The following STPG2 variants were observed in gnomAD, a reference collection of about 807,000 sequenced individuals.
STPG2 encodes sperm tail PG-rich repeat containing 2.
STPG2 carries 56 observed loss-of-function variants against 54.2 expected under a neutral mutation model. The ratio of observed to expected loss-of-function variants is 1.03; its 90% confidence interval spans 0.83 to 1.29. The LOEUF is 1.29. STPG2 is among the 50% of genes most tolerant of loss of function. The probability of loss-of-function intolerance (pLI) is 0.00; values close to 1 mark genes in which losing one functional copy is unlikely to be tolerated. For missense variants in STPG2, 596 were observed against 544.9 expected (o/e 1.09, Z -0.93); for synonymous variants, 200 against 181.8 (o/e 1.10, Z -0.81).
At chr4:97,946,130 C>T (rs1309249883) in intron 7 of STPG2, among the ~76,000 whole-genome samples, 1 of 152,112 alleles carries the variant, frequency 6.6e-6, no homozygotes, top group Non-Finnish European at 1.5e-5. Flanking sequence ...TTTTAATTTG[C>T]ATTTCCCTGA....
chr4:97,671,137 AC>A (rs1722683224), intron 10 of STPG2, among the ~76,000 whole-genome samples: 1 of 152,030 alleles, frequency 6.6e-6, no homozygotes, highest in Non-Finnish European at 1.5e-5. Flanking sequence ...CAATACCCCA[AC>A]CTCTTATTTT....
At chr4:97,572,424 A>T (rs1368574716) in intron 10 of STPG2, among the ~76,000 whole-genome samples, 2 of 152,154 alleles carry the variant, frequency 1.3e-5, no homozygotes, top group African/African-American at 4.8e-5. Context: ...ATCTTGGTTG[A>T]AGATCTTGTA....
At chr4:97,910,636 A>G (rs1731642422) in intron 8 of STPG2, among the ~76,000 whole-genome samples, 2 of 152,234 alleles carry the variant, frequency 1.3e-5, no homozygotes, top group Non-Finnish European at 2.9e-5. Context: ...CTGTAATTTC[A>G]TAACACGATA....
chr4:97,878,620 G>C (rs562730655), intron 8 of STPG2, among the ~76,000 whole-genome samples: 55 of 152,250 alleles, frequency 3.6e-4, no homozygotes, highest in African/African-American at 1.3e-3. Context: ...AAGTCCCTAG[G>C]CACACAGAGC....
chr4:97,804,007 CAGA>C (rs1224645256), intron 9 of STPG2, among the ~76,000 whole-genome samples: 1 of 152,174 alleles, frequency 6.6e-6, no homozygotes, highest in African/African-American at 2.4e-5. Context: ...CTATGCGCCA[CAGA>C]AGGAGAGGTT....
intron 3 of STPG2, among the ~76,000 whole-genome samples, chr4:98,117,767 C>T (rs1396757498): frequency 1.3e-5 from 2 of 151,998 alleles, no homozygotes; most frequent in African/African-American, 4.8e-5. Flanking sequence ...GATTTCTACT[C>T]GGTTTGTTTT....
intron 7 of STPG2, among the ~76,000 whole-genome samples, chr4:97,969,320 T>A (rs1205442792): frequency 6.6e-6 from 1 of 152,216 alleles, no homozygotes; most frequent in East Asian, 1.9e-4. Context: ...TTCTGTATGC[T>A]GTACTTCTGC....
intron 9 of STPG2, among the ~76,000 whole-genome samples, chr4:97,723,039 C>G (rs1724505295): frequency 6.7e-6 from 1 of 148,376 alleles, no homozygotes; most frequent in Non-Finnish European, 1.5e-5. Flanking sequence ...GTCTCCATCT[C>G]CTGACCTCTT....
chr4:97,648,574 G>A (rs1201544536), intron 10 of STPG2, among the ~76,000 whole-genome samples: 1 of 152,006 alleles, frequency 6.6e-6, no homozygotes, highest in East Asian at 1.9e-4. Flanking sequence ...ATGAACATAG[G>A]CTTTGAAGTC....
At chr4:97,941,133 C>A (rs1487346786) in intron 8 of STPG2, among the ~76,000 whole-genome samples, 3 of 152,076 alleles carry the variant, frequency 2.0e-5, no homozygotes, top group Non-Finnish European at 2.9e-5. Context: ...TTCACCATCT[C>A]CTAGCCTTGA....
intron 10 of STPG2, among the ~76,000 whole-genome samples, chr4:97,661,976 G>A (rs556818786): frequency 6.6e-5 from 10 of 152,208 alleles, no homozygotes; most frequent in African/African-American, 2.2e-4. Context: ...TTTGTATAGT[G>A]ATTTTGTATC....
intron 9 of STPG2, among the ~76,000 whole-genome samples, chr4:97,769,301 A>G (rs1200218046): frequency 2.0e-5 from 3 of 152,128 alleles, no homozygotes; most frequent in Admixed American, 6.6e-5. Flanking sequence ...TGGAGTACAT[A>G]TAAGTGTTCC....
intron 3 of STPG2, among the ~76,000 whole-genome samples, chr4:98,116,018 A>C (rs1395346082): frequency 6.6e-6 from 1 of 151,970 alleles, no homozygotes; most frequent in African/African-American, 2.4e-5. Context: ...CCAATAAATA[A>C]ATAATAAGTT....
At chr4:97,452,277 C>A (rs1024105655) in intron 4 of STPG2, among the ~76,000 whole-genome samples, 1 of 152,128 alleles carries the variant, frequency 6.6e-6, no homozygotes, top group Non-Finnish European at 1.5e-5. Flanking sequence ...TCTCCCGGCT[C>A]TCCACACCTT....
chr4:98,026,691 T>G (rs1157533632), intron 5 of STPG2, among the ~76,000 whole-genome samples: 1 of 152,154 alleles, frequency 6.6e-6, no homozygotes, highest in African/African-American at 2.4e-5. Context: ...TGAACTTCTT[T>G]GCCACCCAGT....
chr4:97,903,092 G>T (rs373187540), intron 8 of STPG2, among the ~76,000 whole-genome samples: 19 of 152,224 alleles, frequency 1.2e-4, no homozygotes, highest in African/African-American at 4.1e-4. Context: ...GGTGGTCAAA[G>T]GGTTCAAACT....
chr4:97,780,687 C>T (rs1026855575), intron 9 of STPG2, among the ~76,000 whole-genome samples: 3 of 148,304 alleles, frequency 2.0e-5, no homozygotes, highest in African/African-American at 5.0e-5. Flanking sequence ...GGAAGTAAAG[C>T]ACTTCTCAGC....
At chr4:97,629,653 A>C (rs1721195575) in intron 10 of STPG2, among the ~76,000 whole-genome samples, 1 of 152,052 alleles carries the variant, frequency 6.6e-6, no homozygotes, top group African/African-American at 2.4e-5. Context: ...TGGTTGAATG[A>C]ATGTCTGAAA....
intron 10 of STPG2, among the ~76,000 whole-genome samples, chr4:97,709,862 G>A (rs191130865): frequency 5.3e-5 from 8 of 151,854 alleles, no homozygotes; most frequent in Admixed American, 1.3e-4. Context: ...TGAGAACTAA[G>A]TCAATGAGGA....
Sources: allele counts gnomAD v4.1 joint callset (sites outside exome capture counted in the v4.1 genomes callset), GRCh38; gene constraint gnomAD v4.1.1; transcripts MANE v1.5; gene names NCBI Gene and HGNC (gene_info 2026-07-23, HGNC 2026-07-21).